RPN2: variants seen among roughly 807,000 people sequenced by gnomAD.
RPN2 encodes the protein ribophorin II, also known as dolichyl-diphosphooligosaccharide--protein glycosyltransferase subunit 2.
In RPN2, 29 loss-of-function variants were observed where a neutral mutation model predicts 71.4. The ratio of observed to expected loss-of-function variants is 0.41; its 90% confidence interval spans 0.30 to 0.55. The LOEUF (loss-of-function observed/expected upper bound fraction) is 0.55. Among genes scored for constraint, RPN2 ranks in the 20% least tolerant of loss-of-function variants. RPN2 has a pLI of 0.35. For synonymous variants in RPN2, 308 were observed against 305.0 expected, an observed-to-expected ratio of 1.01 and a Z score of -0.10; for missense variants, 726 against 774.1, an observed-to-expected ratio of 0.94 and a Z score of 0.74.
chr20:37,206,034 G>A (rs1326195240), intron 6 of RPN2, among the ~76,000 whole-genome samples: 1 of 152,062 alleles, frequency 6.6e-6, no homozygotes, highest in African/African-American at 2.4e-5. Flanking sequence ...AATTGTAATT[G>A]GTCCAATTAA....
At chr20:37,180,173 C>T (rs115922397) in intron 1 of RPN2, among the ~76,000 whole-genome samples, 2,242 of 152,298 alleles carry the variant, frequency 0.015, 51 homozygotes, top group African/African-American at 0.048. Context: ...TGGAATCCCA[C>T]GGAAGGGAAC....
At chr20:37,198,986 G>C in intron 3 of RPN2, 64 bp from the exon 4 acceptor site, 1 of 1,344,244 alleles carries the variant, frequency 7.4e-7, no homozygotes, top group Middle Eastern at 1.8e-4. Context: ...TTCTGTCTTT[G>C]CCATGCCTGC....
intron 9 of RPN2, among the ~76,000 whole-genome samples, chr20:37,222,729 T>C (rs903186766): frequency 1.3e-5 from 2 of 152,260 alleles, no homozygotes; most frequent in African/African-American, 4.8e-5. Flanking sequence ...GGCTTACAGA[T>C]CTGTTTGCAC....
At chr20:37,238,419 G>A (rs753154601) in intron 16 of RPN2, 1 of 1,609,798 alleles carries the variant, frequency 6.2e-7, no homozygotes, top group South Asian at 1.1e-5. Flanking sequence ...GCAGAGCAGA[G>A]CAGTAGATTG....
rs6073646 is a variant in RPN2 at position 37,197,765 on chromosome 20, T to A, written c.208-632T>A. ...AGGCATGCGCCACCTGCTCTGCTACTTTTTGAATTTTTTGTGGAGATGGGG... is the reference window on the plus strand; with the variant it reads ...AGGCATGCGCCACCTGCTCTGCTACATTTTGAATTTTTTGTGGAGATGGGG... On this transcript the variant is annotated intron_variant, in intron 2 of 16. Coordinates refer to ENST00000237530, the MANE Select transcript of RPN2 (RefSeq NM_002951.5). Among the ~76,000 whole-genome samples the A allele has an allele frequency of 4.4e-3, 677 of 152,168 alleles. 3 individuals are homozygous for A. Among genetic ancestry groups the A allele is most frequent in the South Asian group, 0.013 (65 of 4,818 alleles).
intron 2 of RPN2, among the ~76,000 whole-genome samples, chr20:37,196,059 G>A (rs1405342601): frequency 6.6e-6 from 1 of 151,782 alleles, no homozygotes; most frequent in South Asian, 2.1e-4. Context: ...GGAGCACCCC[G>A]CGCTTTTTTT....
Position 37,213,869 on chromosome 20 carries a change from G to A in RPN2, c.1092+4G>A, listed in dbSNP as rs879012635. ...GTATATTGCAAATACCGTAGAGGTAGGTGTTTTTCTTTCCTTCCCATTGCC... is the reference window on the plus strand; with the variant it reads ...GTATATTGCAAATACCGTAGAGGTAAGTGTTTTTCTTTCCTTCCCATTGCC... On this transcript the variant is annotated splice_donor_region_variant and intron_variant, in intron 9 of 16. Coordinates refer to ENST00000237530, the MANE Select transcript of RPN2 (RefSeq NM_002951.5). 1 of 1,605,938 alleles carries A rather than the reference G, an allele frequency of 6.2e-7. No individual in the cohort carries two copies. The highest frequency in any genetic ancestry group is 8.5e-7 in the Non-Finnish European group (1 of 1,172,464).
Position 37,215,281 on chromosome 20 carries a change from C to T in RPN2, c.1092+1416C>T, listed in dbSNP as rs148683746. On this transcript the variant is annotated intron_variant, in intron 9 of 16. Transcript: ENST00000237530. ...CCTTTTCAAAAATGCGGCATTACTT[C>T]CCATAGGTAGATTCAACACTTGCAT... Among the ~76,000 whole-genome samples, 71 of 152,254 alleles carry T rather than the reference C, an allele frequency of 4.7e-4. No homozygotes were observed. In the East Asian group the frequency reaches 0.011, roughly 24 times the overall value.
chr20:37,211,976 A>G (rs553850887), intron 8 of RPN2, among the ~76,000 whole-genome samples: 1 of 152,176 alleles, frequency 6.6e-6, no homozygotes, highest in African/African-American at 2.4e-5. Flanking sequence ...TCAGCCTCCG[A>G]GTGGCTGGGA....
At chr20:37,188,607 T>G (rs1428913372) in intron 2 of RPN2, among the ~76,000 whole-genome samples, 1 of 127,252 alleles carries the variant, frequency 7.9e-6, no homozygotes, top group Non-Finnish European at 1.6e-5. Context: ...GAATTGATAG[T>G]CCCAATTGGT....
intron 11 of RPN2, among the ~76,000 whole-genome samples, chr20:37,227,233 A>G (rs543174797): frequency 6.6e-6 from 1 of 152,242 alleles, no homozygotes; most frequent in African/African-American, 2.4e-5. Context: ...TGCCAACCAA[A>G]TAGCACAAGG....
intron 12 of RPN2, 148 bp from the exon 13 acceptor site, chr20:37,229,825 A>C (rs1233071135): frequency 1.1e-5 from 8 of 704,722 alleles, no homozygotes; most frequent in African/African-American, 5.3e-5. Flanking sequence ...TTACTGCCTC[A>C]ATTTGTCAGC....
chr20:37,191,549 C>T (rs543798717), intron 2 of RPN2, among the ~76,000 whole-genome samples: 128 of 151,836 alleles, frequency 8.4e-4, no homozygotes, highest in African/African-American at 2.8e-3. Context: ...AGGCGGATCA[C>T]GAGGTCAGGC....
chr20:37,192,989 G>A (rs1183496070), intron 2 of RPN2, among the ~76,000 whole-genome samples: 3 of 152,182 alleles, frequency 2.0e-5, no homozygotes, highest in Admixed American at 1.3e-4. Flanking sequence ...ATTATCTGGT[G>A]TAGTGGTGTG....
At chr20:37,225,282 G>C (rs963359410) in intron 10 of RPN2, among the ~76,000 whole-genome samples, 2 of 152,020 alleles carry the variant, frequency 1.3e-5, no homozygotes, top group African/African-American at 2.4e-5. Context: ...TCTCGATTTT[G>C]CTCACGTGTG....
chr20:37,229,942 G>T (rs1483736573), intron 12 of RPN2, 31 bp from the exon 13 acceptor site: 1 of 1,535,544 alleles, frequency 6.5e-7, no homozygotes, highest in African/African-American at 1.4e-5. Flanking sequence ...CTCTGCCCCT[G>T]TGCTTTTACA....
At chr20:37,225,974 G>T (rs1410273645) in intron 11 of RPN2, among the ~76,000 whole-genome samples, 172 bp downstream of exon 11, 2 of 152,186 alleles carry the variant, frequency 1.3e-5, no homozygotes, top group African/African-American at 4.8e-5. Context: ...CCCTTCTACT[G>T]GTTGTAGTCC....
intron 9 of RPN2, among the ~76,000 whole-genome samples, chr20:37,221,404 G>T (rs935345840): frequency 6.6e-6 from 1 of 152,068 alleles, no homozygotes; most frequent in African/African-American, 2.4e-5. Context: ...TGCCATGTTG[G>T]TCATGCTGGT....
chr20:37,198,312 T>C (rs2067298551), intron 2 of RPN2, 85 bp from the exon 3 acceptor site: 16 of 1,608,344 alleles, frequency 9.9e-6, no homozygotes, highest in Non-Finnish European at 1.4e-5. Flanking sequence ...CTATAATGGC[T>C]GAGAATGTTA....
Sources: allele counts gnomAD v4.1 joint callset (sites outside exome capture counted in the v4.1 genomes callset), GRCh38; gene constraint gnomAD v4.1.1; transcripts MANE v1.5; gene names NCBI Gene and HGNC (gene_info 2026-07-23, HGNC 2026-07-21).